The following NKAIN2 variants were observed in gnomAD, a reference collection of about 807,000 sequenced individuals.
The protein encoded by NKAIN2 is sodium/potassium-transporting ATPase subunit beta-1-interacting protein 2.
Under a neutral mutation model 32.6 loss-of-function variants are expected in NKAIN2, and 14 were observed. The ratio of observed to expected loss-of-function variants is 0.43; its 90% confidence interval spans 0.28 to 0.67. NKAIN2 has a LOEUF of 0.67. NKAIN2 is among the 30% of genes least tolerant of loss of function. The pLI, the probability that NKAIN2 is intolerant of heterozygous loss-of-function variation, is 0.17. For synonymous variants in NKAIN2, 80 were observed against 87.2 expected (o/e 0.92, Z 0.46); for missense variants, 198 against 258.3 (o/e 0.77, Z 1.60).
chr6:123,853,364 C>T (rs1775429773), intron 1 of NKAIN2, among the ~76,000 whole-genome samples: 1 of 152,132 alleles, frequency 6.6e-6, no homozygotes, highest in South Asian at 2.1e-4. Flanking sequence ...ATTGAATGGT[C>T]TCTTTGGCGT....
At position 124,556,207 on chromosome 6, in the gene NKAIN2, T is replaced by G. The variant is rs147451174; in HGVS notation, c.274-101979T>G. Among the ~76,000 whole-genome samples the G allele has an allele frequency of 3.5e-3, 536 of 152,284 alleles. 4 individuals carry two copies. The highest frequency in any genetic ancestry group is 0.012 in the African/African-American group (512 of 41,558). On this transcript the variant is annotated intron_variant, in intron 3 of 6. Transcript: ENST00000368417. ...GTTAGACTGTATAATTTTTCCTATT[T>G]CCATTTTTGTCCTGTCATTTACATC...
chr6:124,711,120 G>T (rs1327910708), intron 4 of NKAIN2, among the ~76,000 whole-genome samples: 2 of 141,718 alleles, frequency 1.4e-5, no homozygotes, highest in African/African-American at 2.7e-5. Context: ...GAAATTCTGG[G>T]TTGAAAATTC....
intron 2 of NKAIN2, among the ~76,000 whole-genome samples, chr6:124,324,193 T>G (rs1797324622): frequency 6.6e-6 from 1 of 152,198 alleles, no homozygotes; most frequent in African/African-American, 2.4e-5. Context: ...TATCCCAATT[T>G]GAGGATAATT....
At chr6:124,628,529 G>GTGAT (rs1276043527) in intron 3 of NKAIN2, among the ~76,000 whole-genome samples, 1 of 151,914 alleles carries the variant, frequency 6.6e-6, no homozygotes, top group Non-Finnish European at 1.5e-5. Flanking sequence ...AGATGTTTTA[G>GTGAT]TGATATACAA....
intron 3 of NKAIN2, among the ~76,000 whole-genome samples, chr6:124,511,404 A>T (rs745949511): frequency 1.3e-5 from 2 of 152,192 alleles, no homozygotes; most frequent in Non-Finnish European, 2.9e-5. Context: ...AGAAGAAATC[A>T]TAGGTCACTT....
intron 3 of NKAIN2, among the ~76,000 whole-genome samples, chr6:124,652,261 A>T (rs1019219564): frequency 2.6e-5 from 4 of 152,162 alleles, no homozygotes; most frequent in South Asian, 2.1e-4. Flanking sequence ...TCCATCTGAG[A>T]CCTCATCAGA....
At chr6:123,906,601 C>T (rs1256489606) in intron 1 of NKAIN2, among the ~76,000 whole-genome samples, 1 of 152,114 alleles carries the variant, frequency 6.6e-6, no homozygotes, top group Admixed American at 6.6e-5. Flanking sequence ...CCTGTTAGTA[C>T]CACTTTCTAA....
chr6:123,829,043 G>A (rs376775626), intron 1 of NKAIN2: 1 of 152,128 alleles, frequency 6.6e-6, no homozygotes, highest in East Asian at 1.9e-4. Flanking sequence ...CTGCTTAACT[G>A]TCATTGAATA....
intron 1 of NKAIN2, among the ~76,000 whole-genome samples, chr6:124,172,837 A>G (rs113496495): frequency 5.3e-5 from 8 of 152,164 alleles, no homozygotes; most frequent in African/African-American, 1.9e-4. Flanking sequence ...TAATATTCAG[A>G]AATCAGTTTC....
At chr6:124,225,522 C>T in intron 1 of NKAIN2, among the ~76,000 whole-genome samples, 1 of 151,682 alleles carries the variant, frequency 6.6e-6, no homozygotes, top group East Asian at 1.9e-4. Context: ...TCCAGTCTGA[C>T]TTAAGGATTG....
intron 3 of NKAIN2, among the ~76,000 whole-genome samples, chr6:124,389,166 A>T (rs1459338484): frequency 6.6e-6 from 1 of 152,106 alleles, no homozygotes; most frequent in Non-Finnish European, 1.5e-5. Flanking sequence ...ACAATGGTTC[A>T]GTATTCACTA....
intron 3 of NKAIN2, among the ~76,000 whole-genome samples, chr6:124,377,111 A>G (rs1356107165): frequency 6.6e-6 from 1 of 152,194 alleles, no homozygotes; most frequent in Non-Finnish European, 1.5e-5. Flanking sequence ...ATCTAGATGG[A>G]AGACATATTA....
At chr6:124,538,423 G>T (rs998067249) in intron 3 of NKAIN2, among the ~76,000 whole-genome samples, 1 of 151,940 alleles carries the variant, frequency 6.6e-6, no homozygotes, top group Non-Finnish European at 1.5e-5. Context: ...CTCTCCATCC[G>T]ATTGGTATTC....
At chr6:124,012,305 A>C (rs902688484) in intron 1 of NKAIN2, among the ~76,000 whole-genome samples, 2 of 137,416 alleles carry the variant, frequency 1.5e-5, no homozygotes, top group African/African-American at 5.4e-5. Context: ...AGCACTCTTT[A>C]TTTTGCATGG....
intron 5 of NKAIN2, among the ~76,000 whole-genome samples, chr6:124,809,023 A>G (rs958430095): frequency 2.0e-5 from 3 of 152,178 alleles, no homozygotes; most frequent in Admixed American, 6.5e-5. Context: ...CTCATGGGTA[A>G]GAAGAATCAA....
At chr6:123,880,103 GAGTC>G (rs759279610) in intron 1 of NKAIN2, among the ~76,000 whole-genome samples, 12 of 152,218 alleles carry the variant, frequency 7.9e-5, no homozygotes, top group Non-Finnish European at 1.5e-4. Flanking sequence ...GAGCTGAGAA[GAGTC>G]AGTCAGGGAG....
chr6:124,624,763 G>A (rs1221288430), intron 3 of NKAIN2, among the ~76,000 whole-genome samples: 1 of 152,124 alleles, frequency 6.6e-6, no homozygotes, highest in Non-Finnish European at 1.5e-5. Flanking sequence ...AAGTCTATTT[G>A]TGGTTTGTGT....
chr6:124,742,571 A>G (rs1777266121), intron 4 of NKAIN2, among the ~76,000 whole-genome samples: 1 of 151,774 alleles, frequency 6.6e-6, no homozygotes, highest in South Asian at 2.1e-4. Flanking sequence ...GGCCTCTATA[A>G]TTGTATGAGC....
chr6:124,065,539 G>A (rs537820360), intron 1 of NKAIN2, among the ~76,000 whole-genome samples: 2 of 152,244 alleles, frequency 1.3e-5, no homozygotes, highest in Admixed American at 1.3e-4. Flanking sequence ...TCTCTGCCAT[G>A]TGAGAACACA....
Sources: allele counts gnomAD v4.1 joint callset (sites outside exome capture counted in the v4.1 genomes callset), GRCh38; gene constraint gnomAD v4.1.1; transcripts MANE v1.5; gene names NCBI Gene and HGNC (gene_info 2026-07-23, HGNC 2026-07-21).